PPP1R14C: variants seen among roughly 807,000 people sequenced by gnomAD.
PPP1R14C encodes the protein protein phosphatase 1 regulatory subunit 14C.
PPP1R14C carries 16 observed loss-of-function variants against 20.4 expected under a neutral mutation model. The observed-to-expected ratio is 0.78, with a 90% CI of 0.53 to 1.19. PPP1R14C has a LOEUF of 1.19. Ranked by LOEUF, PPP1R14C falls within the 50% of genes most tolerant of loss-of-function variation. PPP1R14C has a pLI of 0.00. For missense variants in PPP1R14C, 211 were observed against 220.1 expected, an observed-to-expected ratio of 0.96 and a Z score of 0.26; for synonymous variants, 91 against 91.0, an observed-to-expected ratio of 1.00 and a Z score of 0.00.
At chr6:150,237,249 G>T (rs1205252077) in intron 3 of PPP1R14C, among the ~76,000 whole-genome samples, 1 of 152,126 alleles carries the variant, frequency 6.6e-6, no homozygotes, top group African/African-American at 2.4e-5. Flanking sequence ...TGTTACCCAG[G>T]CTGGAGTGCA....
chr6:150,222,444 A>G (rs1778179977), intron 3 of PPP1R14C, among the ~76,000 whole-genome samples: 1 of 152,148 alleles, frequency 6.6e-6, no homozygotes, highest in Non-Finnish European at 1.5e-5. Flanking sequence ...GTGAACCTAC[A>G]TTAACACATC....
chr6:150,176,444 T>C (rs1777563706), intron 1 of PPP1R14C, among the ~76,000 whole-genome samples: 2 of 152,228 alleles, frequency 1.3e-5, no homozygotes, highest in Non-Finnish European at 2.9e-5. Flanking sequence ...TCCCCTTCAT[T>C]GTATGTCTCA....
chr6:150,170,712 A>T (rs1282481633), intron 1 of PPP1R14C, among the ~76,000 whole-genome samples: 1 of 151,734 alleles, frequency 6.6e-6, no homozygotes, highest in Non-Finnish European at 1.5e-5. Flanking sequence ...TTCTAGGGAA[A>T]TGAGAGAGAA....
chr6:150,246,304 TA>T lies in PPP1R14C; in HGVS notation c.424-2432del, dbSNP rs926357137. ...GGTTTGTGATTTTTGACCTTTGCTTTAAAAAAAAAACAAGCTTACATTCAAA... is the reference window on the plus strand; with the variant it reads ...GGTTTGTGATTTTTGACCTTTGCTTTAAAAAAAAACAAGCTTACATTCAAA... On this transcript the variant is annotated intron_variant, in intron 3 of 3. Coordinates refer to ENST00000361131, the MANE Select transcript of PPP1R14C (RefSeq NM_030949.3). Among the ~76,000 whole-genome samples, 90 of 148,668 alleles carry T rather than the reference TA, an allele frequency of 6.1e-4. No homozygotes were observed. The East Asian group carries it at 0.015, about 24-fold the overall frequency.
chr6:150,198,298 C>T (rs1391967206), intron 1 of PPP1R14C, among the ~76,000 whole-genome samples: 3 of 140,886 alleles, frequency 2.1e-5, no homozygotes, highest in South Asian at 2.3e-4. Context: ...TGCCCCTGGC[C>T]GCCATGGTGG....
chr6:150,143,874 A>G lies in PPP1R14C; in HGVS notation c.306+376A>G, dbSNP rs1041405912. Among the ~76,000 whole-genome samples, 1 of 152,224 alleles carries G rather than the reference A, an allele frequency of 6.6e-6. No individual in the cohort carries two copies. Among genetic ancestry groups the G allele is most frequent in the Non-Finnish European group, 1.5e-5 (1 of 68,038 alleles). On this transcript the variant is annotated intron_variant, in intron 1 of 3. Transcript: ENST00000361131. The surrounding 1 kb of genome is among the most constrained non-coding windows in gnomAD (Gnocchi z 5.6). ...AGCTGCGCCTCAGCAGCGGTTGGGG[A>G]TACAGCAGCCAAAGAGAGCAGCGCT...
At chr6:150,152,821 T>C (rs552048786) in intron 1 of PPP1R14C, among the ~76,000 whole-genome samples, 1 of 152,318 alleles carries the variant, frequency 6.6e-6, no homozygotes, top group South Asian at 2.1e-4. Context: ...CACTTGGGTG[T>C]CTCTGCTATG....
chr6:150,227,349 A>G (rs925165488), intron 3 of PPP1R14C, among the ~76,000 whole-genome samples: 1 of 152,124 alleles, frequency 6.6e-6, no homozygotes, highest in Admixed American at 6.5e-5. Context: ...TTTTAAAGCA[A>G]CCTCTTGGAA....
At chr6:150,187,300 C>T (rs970488425) in intron 1 of PPP1R14C, among the ~76,000 whole-genome samples, 15 of 127,882 alleles carry the variant, frequency 1.2e-4, no homozygotes, top group African/African-American at 3.0e-4. Context: ...TGTTTGCATG[C>T]TTTTAACTTC....
chr6:150,177,642 C>T (rs1473276100), intron 1 of PPP1R14C, among the ~76,000 whole-genome samples: 1 of 152,192 alleles, frequency 6.6e-6, no homozygotes, highest in Non-Finnish European at 1.5e-5. Context: ...AATACATGAG[C>T]AGCTCTGAGT....
intron 1 of PPP1R14C, among the ~76,000 whole-genome samples, chr6:150,184,450 C>T (rs1487482746): frequency 6.6e-6 from 1 of 152,186 alleles, no homozygotes; most frequent in African/African-American, 2.4e-5. Flanking sequence ...GTTGTACCAT[C>T]TAGATTGTGT....
intron 1 of PPP1R14C, among the ~76,000 whole-genome samples, chr6:150,187,759 T>C (rs1215901457): frequency 6.6e-6 from 1 of 152,246 alleles, no homozygotes; most frequent in African/African-American, 2.4e-5. Context: ...TGAACATACA[T>C]GTGCACTGTC....
intron 1 of PPP1R14C, among the ~76,000 whole-genome samples, chr6:150,164,357 G>A (rs140244600): frequency 1.1e-4 from 16 of 152,284 alleles, no homozygotes; most frequent in Middle Eastern, 6.8e-3. Flanking sequence ...GGTGACTTTT[G>A]AGGCACAGAA....
intron 1 of PPP1R14C, among the ~76,000 whole-genome samples, chr6:150,186,063 T>C (rs780911627): frequency 2.4e-4 from 36 of 152,194 alleles, no homozygotes; most frequent in Non-Finnish European, 3.8e-4. Flanking sequence ...TATTCGTGCC[T>C]GGTCTTTGAT....
intron 1 of PPP1R14C, among the ~76,000 whole-genome samples, chr6:150,187,965 C>T (rs975180180): frequency 5.9e-5 from 9 of 152,086 alleles, no homozygotes; most frequent in Non-Finnish European, 8.8e-5. Context: ...TATGTTACAC[C>T]GAATAACCAC....
Position 150,143,190 on chromosome 6 carries a change from G to T in PPP1R14C, c.-3G>T. ...CCGCACTGAGGCTCGGGCGCGCGGG[G>T]ACATGTCGGTGGCGACGGGCAGCAG... On this transcript the variant is annotated 5_prime_UTR_variant, in exon 1 of 4. Coordinates refer to ENST00000361131, the MANE Select transcript of PPP1R14C (RefSeq NM_030949.3). The surrounding 1 kb of genome is among the most constrained non-coding windows in gnomAD (Gnocchi z 5.6). 7.5e-7 allele frequency: 1 copy of T among 1,335,824 alleles called. No individual in the cohort carries two copies. 82.7% of individuals were successfully genotyped at this position (1,335,824 alleles called of 1,614,324 possible).
chr6:150,143,583 G>C lies in PPP1R14C; in HGVS notation c.306+85G>C. The C allele has an allele frequency of 1.0e-6, 1 of 994,564 alleles. No homozygotes were observed. The highest frequency in any genetic ancestry group is 1.6e-5 in the South Asian group (1 of 64,244). The allele number at this position is 994,564 out of a possible 1,614,324, so 61.6% of individuals were successfully genotyped here. On this transcript the variant is annotated intron_variant, in intron 1 of 3. Transcript: ENST00000361131. This position sits in a 1 kb window ranked among gnomAD's most constrained non-coding sequence, Gnocchi z 5.6. ...GTAATTTTCCCGGGCTCCAGCTCCG[G>C]GGCGCGCATGTCCCTGACTCCCGGG...
chr6:150,250,271 A>C lies in PPP1R14C; in HGVS notation c.*1451A>C, dbSNP rs1287127456. ...GTTTGTGAATTTTGCGTATACTGGC[A>C]AGCTTTTGAAAATGTATTTAATTTT... On this transcript the variant is annotated 3_prime_UTR_variant, in exon 4 of 4. Transcript: ENST00000361131. 3 of 152,640 alleles carry C rather than the reference A, an allele frequency of 2.0e-5. No individual in the cohort carries two copies. Among genetic ancestry groups the C allele is most frequent in the Non-Finnish European group, 4.4e-5 (3 of 68,034 alleles). 9.5% of individuals were successfully genotyped at this position (152,640 alleles called of 1,614,324 possible).
At chr6:150,240,130 A>G (rs1234430211) in intron 3 of PPP1R14C, among the ~76,000 whole-genome samples, 1 of 152,164 alleles carries the variant, frequency 6.6e-6, no homozygotes, top group Non-Finnish European at 1.5e-5. Flanking sequence ...AAAGGTCAAT[A>G]CAATTGATAA....
Sources: gnomAD v4.1 joint callset for allele counts (sites outside exome capture counted in the v4.1 genomes callset) on GRCh38, gnomAD v4.1.1 for gene constraint, Gnocchi (gnomAD v3.1) non-coding constraint, MANE v1.5 for transcripts, NCBI Gene and HGNC (gene_info 2026-07-23, HGNC 2026-07-21) for gene names.